TULP4: variants seen among roughly 807,000 people sequenced by gnomAD.
TULP4 encodes tubby-related protein 4.
Under a neutral mutation model 129.0 loss-of-function variants are expected in TULP4, and 16 were observed. The observed-to-expected ratio is 0.12, with a 90% CI of 0.08 to 0.19. TULP4 has a LOEUF of 0.19. Among genes scored for constraint, TULP4 ranks in the 10% least tolerant of loss-of-function variants. The pLI is 1.00. For missense variants in TULP4, 1,842 were observed against 2,059.1 expected (o/e 0.89, Z 2.04); for synonymous variants, 998 against 854.0 (o/e 1.17, Z -2.94).
At chr6:158,435,172 T>C (rs1204130678) in intron 3 of TULP4, among the ~76,000 whole-genome samples, 14 of 152,210 alleles carry the variant, frequency 9.2e-5, no homozygotes, top group Admixed American at 9.2e-4. Context: ...GCGTTAAAGC[T>C]TATGGAAGTT....
At chr6:158,258,915 G>GA (rs1428497918) in intron 1 of TULP4, among the ~76,000 whole-genome samples, 6 of 152,150 alleles carry the variant, frequency 3.9e-5, no homozygotes, top group South Asian at 2.1e-4. Flanking sequence ...ATATATACCT[G>GA]AAAAAACAGG....
intron 1 of TULP4, among the ~76,000 whole-genome samples, chr6:158,247,524 T>C (rs960469852): frequency 2.6e-5 from 4 of 152,374 alleles, no homozygotes; most frequent in South Asian, 2.1e-4. Flanking sequence ...TTTTTCATCC[T>C]ACTGGATGTT....
intron 1 of TULP4, among the ~76,000 whole-genome samples, chr6:158,408,475 C>T (rs569003643): frequency 7.2e-5 from 11 of 152,262 alleles, no homozygotes; most frequent in Non-Finnish European, 1.5e-4. Flanking sequence ...ATTAATAACA[C>T]AGAGCTCTCA....
At chr6:158,251,715 A>G (rs1357188509) in intron 1 of TULP4, among the ~76,000 whole-genome samples, 1 of 152,222 alleles carries the variant, frequency 6.6e-6, no homozygotes, top group Non-Finnish European at 1.5e-5. Flanking sequence ...CATGCATTGA[A>G]GCTTTTCCAC....
At chr6:158,428,195 A>G (rs554257006) in intron 2 of TULP4, 1 of 152,346 alleles carries the variant, frequency 6.6e-6, no homozygotes, top group African/African-American at 2.4e-5. Flanking sequence ...CCATTACAAA[A>G]ATACATAGTC....
Position 158,502,893 on chromosome 6 carries a change from C to T in TULP4, c.3230C>T (p.Ala1077Val), listed in dbSNP as rs144465701. Residue 1077 changes from alanine (A) to valine (V), a missense_variant, in exon 13 of 14, where the codon GCC (alanine) becomes GTC (valine). Transcript: ENST00000367097. ...AGCCTCCTGAGCCCACCCGACAGCG[C>T]CCGCGACCGCACCGACTACGTCAAC... ...SYSLLSPPDS[A>V]RDRTDYVNSA... is the part of the protein sequence containing the mutation. 3 of 1,613,886 alleles carry T rather than the reference C, an allele frequency of 1.9e-6. No homozygotes were observed. Among genetic ancestry groups the T allele is most frequent in the Admixed American group, 1.7e-5 (1 of 60,014 alleles).
At chr6:158,342,791 G>A (rs921102022) in intron 1 of TULP4, among the ~76,000 whole-genome samples, 3 of 152,064 alleles carry the variant, frequency 2.0e-5, no homozygotes, top group Non-Finnish European at 2.9e-5. Flanking sequence ...TGTAAAGCAA[G>A]GATAAAAAAT....
chr6:158,502,397 A>G lies in TULP4; in HGVS notation c.2734A>G (p.Asn912Asp), dbSNP rs1170138047. Residue 912 changes from asparagine to aspartate, a missense_variant, in exon 13 of 14, where the codon AAC becomes GAC. Physicochemically the swap from Asn to Asp is conservative, Grantham distance 23. Around this residue, in one of 5 missense-constraint regions of TULP4, gnomAD observed 1,089 missense variants for 987.1 expected, o/e 1.10. Coordinates refer to ENST00000367097, the MANE Select transcript of TULP4 (RefSeq NM_020245.5). The stretch of plus-strand genomic sequence containing the variant: ...CCGCACCCGGATGCTGTGCTCCCAG[A>G]ACACGTACACCCTCCCCGGCCCGGG... The part of the protein sequence containing the change: ...RPRTRMLCSQ[N>D]TYTLPGPGSS... 1.9e-6 allele frequency: 3 copies of G among 1,613,648 alleles called. No individual in the cohort carries two copies. The highest frequency in any genetic ancestry group is 2.2e-5 in the East Asian group (1 of 44,852).
intron 2 of TULP4, among the ~76,000 whole-genome samples, chr6:158,421,647 G>A (rs1778344970): frequency 6.6e-6 from 1 of 152,128 alleles, no homozygotes; most frequent in Non-Finnish European, 1.5e-5. Context: ...GGAGGGTCTG[G>A]AATCAAAAGA....
intron 1 of TULP4, among the ~76,000 whole-genome samples, chr6:158,289,828 A>G (rs1778900621): frequency 6.6e-6 from 1 of 151,796 alleles, no homozygotes; most frequent in Admixed American, 6.6e-5. Context: ...CAGTCCTCCC[A>G]CCCTGGCCTC....
chr6:158,379,041 G>C (rs1777265938), intron 1 of TULP4, among the ~76,000 whole-genome samples: 1 of 152,160 alleles, frequency 6.6e-6, no homozygotes, highest in African/African-American at 2.4e-5. Context: ...AGGAGGTCCA[G>C]AGTGAACAGA....
intron 1 of TULP4, among the ~76,000 whole-genome samples, chr6:158,330,230 T>C (rs1273520788): frequency 6.6e-6 from 1 of 152,232 alleles, no homozygotes; most frequent in Non-Finnish European, 1.5e-5. Flanking sequence ...GGCTAGTAAC[T>C]ACCATATTGG....
At chr6:158,500,831 G>A (rs560924227) in intron 12 of TULP4, among the ~76,000 whole-genome samples, 3 of 152,226 alleles carry the variant, frequency 2.0e-5, no homozygotes, top group East Asian at 1.9e-4. Context: ...TTTGGGAGGC[G>A]AGGTGGGTGG....
At chr6:158,365,964 G>T (rs551041395) in intron 1 of TULP4, among the ~76,000 whole-genome samples, 5 of 120,778 alleles carry the variant, frequency 4.1e-5, no homozygotes, top group Non-Finnish European at 8.0e-5. Context: ...GTGCAGTGGC[G>T]CCATCTCGGC....
chr6:158,304,641 A>G (rs1025106194), intron 1 of TULP4, among the ~76,000 whole-genome samples: 8 of 150,102 alleles, frequency 5.3e-5, no homozygotes, highest in African/African-American at 2.0e-4. Flanking sequence ...GAGGGGAAAT[A>G]TATATACCAT....
chr6:158,242,434 C>T, intron 1 of TULP4: 1 of 1,091,368 alleles, frequency 9.2e-7, no homozygotes, highest in Non-Finnish European at 1.4e-6. Context: ...TCTCTTTATG[C>T]CACTAAGCAT....
chr6:158,335,980 G>A (rs1468923472), intron 1 of TULP4, among the ~76,000 whole-genome samples: 1 of 152,224 alleles, frequency 6.6e-6, no homozygotes, highest in African/African-American at 2.4e-5. Context: ...GCATTGTAAT[G>A]TGAAGACATA....
At chr6:158,417,337 C>A (rs1778232415) in intron 2 of TULP4, among the ~76,000 whole-genome samples, 1 of 152,156 alleles carries the variant, frequency 6.6e-6, no homozygotes, top group South Asian at 2.1e-4. Context: ...ATGAGTTCAG[C>A]CCTGGAGGCA....
chr6:158,385,723 G>GT (rs66529574), intron 1 of TULP4, among the ~76,000 whole-genome samples: 66,751 of 141,696 alleles, frequency 0.47, 15,542 homozygotes, highest in South Asian at 0.58. Flanking sequence ...AGTTTCCTGG[G>GT]TTTTTTTTTT....
Sources: gnomAD v4.1 joint callset for allele counts (sites outside exome capture counted in the v4.1 genomes callset) on GRCh38, gnomAD v4.1.1 for gene constraint, gnomAD v4.1.1 regional missense constraint, MANE v1.5 for transcripts, NCBI Gene and HGNC (gene_info 2026-07-23, HGNC 2026-07-21) for gene names.